The following ARHGEF7 variants were observed in gnomAD, a reference collection of about 807,000 sequenced individuals.
ARHGEF7 encodes PAK-interacting exchange factor beta.
A neutral mutation model predicts 109.8 loss-of-function variants in ARHGEF7; 33 were observed. The ratio of observed to expected loss-of-function variants is 0.30; its 90% CI spans 0.23 to 0.40. ARHGEF7 has a LOEUF of 0.40. ARHGEF7 is among the 10% of genes least tolerant of loss of function. The pLI is 1.00. For missense variants in ARHGEF7, 938 were observed against 1,098.5 expected, an observed-to-expected ratio of 0.85 and a Z score of 2.07; for synonymous variants, 458 against 424.6, an observed-to-expected ratio of 1.08 and a Z score of -0.97.
chr13:111,169,583 A>G (rs2077415368), intron 2 of ARHGEF7, among the ~76,000 whole-genome samples: 1 of 152,154 alleles, frequency 6.6e-6, no homozygotes, highest in Non-Finnish European at 1.5e-5. Flanking sequence ...AACATTGGGG[A>G]TTATACTTCG....
intron 4 of ARHGEF7, among the ~76,000 whole-genome samples, chr13:111,212,929 G>A (rs1314401792): frequency 6.6e-6 from 1 of 152,180 alleles, no homozygotes; most frequent in Non-Finnish European, 1.5e-5. Flanking sequence ...TTGACATGAG[G>A]AAACTGAAGC....
intron 10 of ARHGEF7, among the ~76,000 whole-genome samples, chr13:111,274,282 C>G (rs2092352015): frequency 6.6e-6 from 1 of 152,224 alleles, no homozygotes; most frequent in African/African-American, 2.4e-5. Context: ...TAATACTGTA[C>G]TAATCATTTG....
At chr13:111,166,617 A>G (rs1566683485) in intron 2 of ARHGEF7, among the ~76,000 whole-genome samples, 1 of 152,156 alleles carries the variant, frequency 6.6e-6, no homozygotes, top group South Asian at 2.1e-4. Context: ...TTACAGATGG[A>G]CTAGATGGGG....
intron 1 of ARHGEF7, among the ~76,000 whole-genome samples, chr13:111,133,259 A>G (rs1209467892): frequency 1.3e-5 from 2 of 152,068 alleles, no homozygotes; most frequent in East Asian, 1.9e-4. Flanking sequence ...ATATATACAT[A>G]CAGTATATAC....
At chr13:111,202,972 G>A (rs925340980) in intron 2 of ARHGEF7, 6 of 736,870 alleles carry the variant, frequency 8.1e-6, no homozygotes, top group Non-Finnish European at 1.1e-5. Context: ...TCATATTGAA[G>A]CCCATTGGTG....
At chr13:111,188,474 A>C (rs371028072) in intron 2 of ARHGEF7, among the ~76,000 whole-genome samples, 1 of 152,182 alleles carries the variant, frequency 6.6e-6, no homozygotes, top group Non-Finnish European at 1.5e-5. Context: ...ACTGCTATCC[A>C]TCCTTTCCCT....
intron 3 of ARHGEF7, 67 bp from the exon 4 acceptor site, chr13:111,209,805 T>C: frequency 1.3e-6 from 2 of 1,568,436 alleles, no homozygotes; most frequent in South Asian, 2.4e-5. Flanking sequence ...TAAAGTCTAG[T>C]GTGTAGTGTG....
At position 111,127,767 on chromosome 13, in the gene ARHGEF7, ATAT is replaced by A. The variant is rs1230958546; in HGVS notation, c.165+12080_165+12082del. Among the ~76,000 whole-genome samples the A allele has an allele frequency of 2.6e-5, 4 of 152,104 alleles. No individual in the cohort carries two copies. In the South Asian group the frequency reaches 6.2e-4, roughly 24 times the overall value. ...ATCCTGGTAACAAAACCTGACAAAAATATTATAAGAAAAGACTATAGGCCAATA... is the reference window on the plus strand; with the variant it reads ...ATCCTGGTAACAAAACCTGACAAAAATATAAGAAAAGACTATAGGCCAATA... On this transcript the variant is annotated intron_variant, in intron 1 of 21. Transcript: ENST00000646102.
In ARHGEF7 at chr13:111,303,192, C is replaced by A; in HGVS notation, c.*79C>A. ...CCCCTGACCCAAGTCGGGGTGCACT[C>A]AGGACCACAGGGCAGGGCTGGGTGG... On this transcript the variant is annotated 3_prime_UTR_variant, in exon 22 of 22. Transcript: ENST00000646102. 8.2e-7 allele frequency: 1 copy of A among 1,225,688 alleles called. No homozygotes were observed. Among genetic ancestry groups the A allele is most frequent in the Non-Finnish European group, 1.1e-6 (1 of 899,788 alleles). 75.9% of individuals were successfully genotyped at this position (1,225,688 alleles called of 1,614,324 possible). A position where few individuals can be genotyped will look rare whatever the true frequency, so the allele number is the denominator to read the frequency against.
At chr13:111,215,470 C>T (rs1432543016) in intron 4 of ARHGEF7, among the ~76,000 whole-genome samples, 2 of 151,962 alleles carry the variant, frequency 1.3e-5, no homozygotes, top group East Asian at 3.9e-4. Flanking sequence ...CCTTGACCTG[C>T]ATAAATGCCT....
chr13:111,157,452 G>T (rs1315783042), intron 2 of ARHGEF7, among the ~76,000 whole-genome samples: 1 of 151,902 alleles, frequency 6.6e-6, no homozygotes, highest in African/African-American at 2.4e-5. Flanking sequence ...GGCTGAGGCG[G>T]GTAGATCACC....
chr13:111,227,532 T>A (rs926562856), intron 5 of ARHGEF7, among the ~76,000 whole-genome samples: 4 of 152,228 alleles, frequency 2.6e-5, no homozygotes, highest in African/African-American at 9.6e-5. Context: ...GTACTTTTTT[T>A]AAAGACAGTG....
At chr13:111,176,555 C>G (rs1249966388) in intron 2 of ARHGEF7, among the ~76,000 whole-genome samples, 1 of 152,192 alleles carries the variant, frequency 6.6e-6, no homozygotes, top group Non-Finnish European at 1.5e-5. Flanking sequence ...TAGCCCCTGC[C>G]TGCCACCTGT....
At chr13:111,177,275 C>T (rs1485609095) in intron 2 of ARHGEF7, among the ~76,000 whole-genome samples, 2 of 152,242 alleles carry the variant, frequency 1.3e-5, no homozygotes, top group Non-Finnish European at 2.9e-5. Context: ...GATGCACTTC[C>T]TGTCTCTGTG....
intron 3 of ARHGEF7, among the ~76,000 whole-genome samples, chr13:111,206,304 C>T (rs1309312712): frequency 1.3e-5 from 2 of 151,956 alleles, no homozygotes; most frequent in East Asian, 3.9e-4. Flanking sequence ...GGCTGCAGTT[C>T]CTGGCTCCCG....
At chr13:111,294,788 C>G (rs1210840670) in intron 19 of ARHGEF7, 2 of 985,558 alleles carry the variant, frequency 2.0e-6, no homozygotes, top group Non-Finnish European at 2.4e-6. Flanking sequence ...AGTTAGTATT[C>G]TAATGAAAGG....
At chr13:111,257,600 A>C (rs1297259211) in intron 8 of ARHGEF7, among the ~76,000 whole-genome samples, 2 of 152,260 alleles carry the variant, frequency 1.3e-5, no homozygotes, top group African/African-American at 4.8e-5. Flanking sequence ...CACACGAAGA[A>C]ATACCTTCTT....
chr13:111,254,566 C>T (rs1460068604), intron 8 of ARHGEF7, among the ~76,000 whole-genome samples: 1 of 150,328 alleles, frequency 6.7e-6, no homozygotes, highest in Non-Finnish European at 1.5e-5. Context: ...GGCGCTGAGT[C>T]ACTAACGTGA....
At chr13:111,123,293 G>C (rs2067317747) in intron 1 of ARHGEF7, among the ~76,000 whole-genome samples, 1 of 152,170 alleles carries the variant, frequency 6.6e-6, no homozygotes, top group Admixed American at 6.5e-5. Flanking sequence ...ACATGGAGGA[G>C]AACTCAGTTG....
Sources: allele counts gnomAD v4.1 joint callset (sites outside exome capture counted in the v4.1 genomes callset), GRCh38; gene constraint gnomAD v4.1.1; transcripts MANE v1.5; gene names NCBI Gene and HGNC (gene_info 2026-07-23, HGNC 2026-07-21).